PLXDC2: variants seen among roughly 807,000 people sequenced by gnomAD.
The protein encoded by PLXDC2 is plexin domain containing 2, also known as plexin domain-containing protein 2.
In PLXDC2, 40 loss-of-function variants were observed where a neutral mutation model predicts 68.9. The ratio of observed to expected loss-of-function variants is 0.58; its 90% CI spans 0.45 to 0.76. PLXDC2 has a LOEUF of 0.76. Among genes scored for constraint, PLXDC2 ranks in the 30% least tolerant of loss-of-function variants. PLXDC2 has a pLI of 0.00. For missense variants in PLXDC2, 644 were observed against 661.9 expected, an observed-to-expected ratio of 0.97 and a Z score of 0.30; for synonymous variants, 243 against 234.2, an observed-to-expected ratio of 1.04 and a Z score of -0.34.
chr10:20,229,778 G>T (rs1159833357), intron 12 of PLXDC2, among the ~76,000 whole-genome samples: 2 of 152,308 alleles, frequency 1.3e-5, no homozygotes, highest in South Asian at 2.1e-4. Flanking sequence ...AAGGACAGCA[G>T]TTAATTATCT....
At position 20,218,095 on chromosome 10, in the gene PLXDC2, A is replaced by G. The variant is rs73605608; in HGVS notation, c.1273+519A>G. ...TGTCATAGAAATTGTCCTTGAAAAC[A>G]ACTATTTCCTCTTCTAAGGTAGGCA... is the stretch of plus-strand genomic sequence containing the variant. On this transcript the variant is annotated intron_variant, in intron 11 of 13. Coordinates refer to ENST00000377252, the MANE Select transcript of PLXDC2 (RefSeq NM_032812.9). Among the ~76,000 whole-genome samples, 603 of 152,290 alleles carry G rather than the reference A, an allele frequency of 4.0e-3. 4 individuals carry two copies. The highest frequency in any genetic ancestry group is 0.014 in the African/African-American group (581 of 41,562).
chr10:19,890,160 T>C (rs1476379874), intron 1 of PLXDC2, among the ~76,000 whole-genome samples: 1 of 152,224 alleles, frequency 6.6e-6, no homozygotes, highest in Non-Finnish European at 1.5e-5. Context: ...GCCCTGGGCT[T>C]CCTCTAATTC....
chr10:19,845,337 A>G (rs185930727), intron 1 of PLXDC2, among the ~76,000 whole-genome samples: 1 of 152,272 alleles, frequency 6.6e-6, no homozygotes, highest in African/African-American at 2.4e-5. Context: ...ACTGAACTGT[A>G]GAGAGTAAGG....
chr10:19,860,008 A>G (rs974020878), intron 1 of PLXDC2, among the ~76,000 whole-genome samples: 8 of 152,072 alleles, frequency 5.3e-5, no homozygotes, highest in Admixed American at 5.2e-4. Flanking sequence ...GGGATTACAG[A>G]CGTGAGCCAC....
At chr10:20,150,188 C>T (rs1182899624) in intron 6 of PLXDC2, among the ~76,000 whole-genome samples, 1 of 152,100 alleles carries the variant, frequency 6.6e-6, no homozygotes, top group Non-Finnish European at 1.5e-5. Flanking sequence ...GTCATGCATC[C>T]ATCATTATGG....
chr10:19,988,225 A>G (rs545439078), intron 1 of PLXDC2, among the ~76,000 whole-genome samples: 25 of 152,334 alleles, frequency 1.6e-4, no homozygotes, highest in Admixed American at 1.4e-3. Context: ...GAAATACAGA[A>G]TTGGAAAATA....
chr10:20,160,073 A>G (rs757184369), intron 6 of PLXDC2, among the ~76,000 whole-genome samples: 2 of 152,098 alleles, frequency 1.3e-5, no homozygotes, highest in Admixed American at 6.6e-5. Context: ...TTGTTTTCCT[A>G]TCTGCTGTAA....
intron 3 of PLXDC2, among the ~76,000 whole-genome samples, chr10:20,054,370 G>A (rs1481492355): frequency 6.6e-6 from 1 of 151,952 alleles, no homozygotes; most frequent in African/African-American, 2.4e-5. Flanking sequence ...GTCTCTCTCA[G>A]ATCAATAAAT....
chr10:20,212,326 G>A (rs1835079943), intron 10 of PLXDC2, among the ~76,000 whole-genome samples: 2 of 152,142 alleles, frequency 1.3e-5, no homozygotes, highest in African/African-American at 4.8e-5. Context: ...TATAACATTA[G>A]TTGGCATAGA....
chr10:20,075,941 C>G (rs1193042954), intron 4 of PLXDC2, among the ~76,000 whole-genome samples: 1 of 152,174 alleles, frequency 6.6e-6, no homozygotes, highest in Non-Finnish European at 1.5e-5. Context: ...ACCAGGAAAG[C>G]ATCATTCATC....
intron 7 of PLXDC2, among the ~76,000 whole-genome samples, chr10:20,165,433 C>T (rs1023919782): frequency 6.6e-6 from 1 of 152,040 alleles, no homozygotes; most frequent in Non-Finnish European, 1.5e-5. Flanking sequence ...CCCCTTTCCC[C>T]CCACCCCACA....
chr10:20,078,856 A>G (rs1564307228), intron 4 of PLXDC2, among the ~76,000 whole-genome samples: 1 of 152,118 alleles, frequency 6.6e-6, no homozygotes, highest in Non-Finnish European at 1.5e-5. Context: ...TATATTCTGA[A>G]TTCCCTTATT....
chr10:19,964,634 C>G (rs1834217911), intron 1 of PLXDC2, among the ~76,000 whole-genome samples: 1 of 152,188 alleles, frequency 6.6e-6, no homozygotes, highest in Non-Finnish European at 1.5e-5. Context: ...GGATCACACA[C>G]TATTGTCACA....
chr10:20,063,031 T>C (rs76285025), intron 3 of PLXDC2, among the ~76,000 whole-genome samples: 1 of 152,106 alleles, frequency 6.6e-6, no homozygotes, highest in African/African-American at 2.4e-5. Flanking sequence ...AAATACCACT[T>C]TACTAATAAG....
At position 20,046,932 on chromosome 10, in the gene PLXDC2, G is replaced by C. The variant is rs1368052353; in HGVS notation, c.388G>C (p.Asp130His). The C allele has an allele frequency of 2.5e-6, 4 of 1,612,694 alleles. No individual in the cohort carries two copies. Among genetic ancestry groups the C allele is most frequent in the Non-Finnish European group, 3.4e-6 (4 of 1,179,286 alleles). Residue 130 changes from aspartate to histidine, a missense_variant, in exon 3 of 14, where the codon GAT becomes CAT. By Grantham distance (81) the Asp-to-His change is moderately conservative (BLOSUM62 -1). Around this residue, in one of 3 missense-constraint regions of PLXDC2, gnomAD observed 201 missense variants for 166.9 expected, o/e 1.20. Transcript: ENST00000377252. ...IYGPSDSASR[D>H]LWVNIDQMEK... ...TGGTCCATCTGATTCTGCCAGCCGG[G>C]ATTTATGGGTGAACATAGACCAAAT... is the stretch of plus-strand genomic sequence containing the variant.
intron 1 of PLXDC2, among the ~76,000 whole-genome samples, chr10:19,992,330 T>G (rs575846500): frequency 6.6e-6 from 1 of 152,324 alleles, no homozygotes; most frequent in South Asian, 2.1e-4. Context: ...TTTCTGGGTT[T>G]ATGATGCAAT....
chr10:20,204,926 A>T (rs1834971059), intron 9 of PLXDC2, among the ~76,000 whole-genome samples: 1 of 152,146 alleles, frequency 6.6e-6, no homozygotes, highest in South Asian at 2.1e-4. Context: ...TAAATTCTTC[A>T]TGGATGTTTC....
At chr10:20,041,506 A>T (rs754210192) in intron 2 of PLXDC2, among the ~76,000 whole-genome samples, 16 of 152,182 alleles carry the variant, frequency 1.1e-4, no homozygotes, top group Admixed American at 3.3e-4. Context: ...AGTACTCAAA[A>T]TTCTATGGCA....
chr10:19,825,359 A>C (rs914988306), intron 1 of PLXDC2, among the ~76,000 whole-genome samples: 3 of 152,180 alleles, frequency 2.0e-5, no homozygotes, highest in Admixed American at 6.5e-5. Flanking sequence ...CGAATATTTG[A>C]AAGTCAATTC....
Sources: allele counts gnomAD v4.1 joint callset (sites outside exome capture counted in the v4.1 genomes callset), GRCh38; gene constraint gnomAD v4.1.1; regional missense constraint gnomAD v4.1.1; transcripts MANE v1.5; gene names NCBI Gene and HGNC (gene_info 2026-07-23, HGNC 2026-07-21).